Variants in DSCAM observed in about 807,000 individuals in gnomAD.
The protein encoded by DSCAM is DS cell adhesion molecule, also known as cell adhesion molecule DSCAM.
DSCAM carries 47 observed loss-of-function variants against 217.7 expected under a neutral mutation model. That is an observed-to-expected ratio of 0.22 (90% CI 0.17 to 0.28). DSCAM has a LOEUF of 0.28. Among genes scored for constraint, DSCAM ranks in the 10% least tolerant of loss-of-function variants. DSCAM has a pLI of 1.00. For missense variants in DSCAM, 2,080 were observed against 2,618.3 expected (o/e 0.79, Z 4.49); for synonymous variants, 1,056 against 1,015.3 (o/e 1.04, Z -0.76).
rs2076120542 is a variant in DSCAM at position 40,496,621 on chromosome 21, A to G, written c.509-127376T>C. 1.3e-5 allele frequency among the ~76,000 whole-genome samples: 2 copies of G among 152,278 alleles called. 1 individual carries two copies. The highest frequency in any genetic ancestry group is 4.8e-5 in the African/African-American group (2 of 41,568). ...AATGAATTTAGTATGTGACCCTAAA[A>G]GCACAGGCAACAAACGTAGACAACT... On this transcript the variant is annotated intron_variant, in intron 3 of 32. Transcript: ENST00000400454.
chr21:40,590,266 G>A (rs562207740), intron 3 of DSCAM, among the ~76,000 whole-genome samples: 2 of 152,328 alleles, frequency 1.3e-5, no homozygotes, highest in East Asian at 3.9e-4. Flanking sequence ...ATGGCACTTT[G>A]ATAAATGCAA....
intron 3 of DSCAM, among the ~76,000 whole-genome samples, chr21:40,671,846 CCA>C (rs1381914502): frequency 2.0e-5 from 3 of 152,122 alleles, no homozygotes; most frequent in African/African-American, 7.2e-5. Context: ...CTCCAAGAAA[CCA>C]CAGTCAGACA....
At chr21:40,202,755 C>G (rs1282244871) in intron 11 of DSCAM, among the ~76,000 whole-genome samples, 2 of 152,346 alleles carry the variant, frequency 1.3e-5, no homozygotes, top group South Asian at 4.1e-4. Flanking sequence ...ACCATGTGAT[C>G]TTCATCTGTG....
At chr21:40,473,011 C>T (rs547715780) in intron 3 of DSCAM, among the ~76,000 whole-genome samples, 4 of 152,188 alleles carry the variant, frequency 2.6e-5, no homozygotes, top group South Asian at 2.1e-4. Flanking sequence ...CCTGGCAAAG[C>T]GGACGGTCCA....
chr21:40,699,103 C>A (rs551042269), intron 2 of DSCAM, among the ~76,000 whole-genome samples: 39 of 151,924 alleles, frequency 2.6e-4, no homozygotes, highest in Non-Finnish European at 4.6e-4. Flanking sequence ...CTCTGTGTCA[C>A]ATTTTGGTAA....
At chr21:40,791,652 CA>C (rs2091645042) in intron 1 of DSCAM, among the ~76,000 whole-genome samples, 1 of 151,760 alleles carries the variant, frequency 6.6e-6, no homozygotes, top group Non-Finnish European at 1.5e-5. Context: ...GACACCGTCT[CA>C]AAAAAACAAA....
At chr21:40,484,919 G>A (rs777418492) in intron 3 of DSCAM, among the ~76,000 whole-genome samples, 2 of 152,180 alleles carry the variant, frequency 1.3e-5, no homozygotes, top group Non-Finnish European at 2.9e-5. Context: ...AACAGTCCCA[G>A]CCTGTAGCTT....
At chr21:40,689,240 G>T (rs1277258770) in intron 3 of DSCAM, among the ~76,000 whole-genome samples, 2 of 152,148 alleles carry the variant, frequency 1.3e-5, no homozygotes, top group Non-Finnish European at 2.9e-5. Context: ...ATTTGTAGAA[G>T]ACAAATACCC....
At chr21:40,284,858 G>A (rs80173356) in intron 10 of DSCAM, among the ~76,000 whole-genome samples, 2,023 of 152,210 alleles carry the variant, frequency 0.013, 54 homozygotes, top group African/African-American at 0.047. Context: ...ACATAATTGT[G>A]TCCACTGTGC....
intron 3 of DSCAM, among the ~76,000 whole-genome samples, chr21:40,440,887 A>G (rs1016439771): frequency 1.4e-4 from 21 of 152,238 alleles, no homozygotes; most frequent in Non-Finnish European, 2.2e-4. Flanking sequence ...AGCTAGTCCT[A>G]TTATTAATAC....
At chr21:40,814,498 CTAATAGCTATTT>C in intron 1 of DSCAM, among the ~76,000 whole-genome samples, 1 of 152,292 alleles carries the variant, frequency 6.6e-6, no homozygotes, top group South Asian at 2.1e-4. Flanking sequence ...TAAGTTACAT[CTAATAGCTATTT>C]TAAATGCTCA....
At chr21:40,070,547 T>C (rs2089280146) in intron 27 of DSCAM, among the ~76,000 whole-genome samples, 1 of 152,204 alleles carries the variant, frequency 6.6e-6, no homozygotes, top group African/African-American at 2.4e-5. Context: ...AGGGTGCATG[T>C]GTGCTACTCA....
chr21:40,728,576 G>A (rs1452449478), intron 1 of DSCAM, among the ~76,000 whole-genome samples: 11 of 151,920 alleles, frequency 7.2e-5, no homozygotes, highest in Non-Finnish European at 1.0e-4. Context: ...CTACAACCAC[G>A]CCCGGCTAAT....
intron 3 of DSCAM, among the ~76,000 whole-genome samples, chr21:40,563,274 C>T (rs1196798504): frequency 6.6e-6 from 1 of 151,946 alleles, no homozygotes; most frequent in Non-Finnish European, 1.5e-5. Flanking sequence ...GATAGTTTGT[C>T]TCCCAGCTTG....
rs544112308 is a variant in DSCAM, at chr21:40,577,585, T to C, written c.508+115225A>G. Among the ~76,000 whole-genome samples, 6 of 150,198 alleles carry C rather than the reference T, an allele frequency of 4.0e-5. No individual in the cohort carries two copies. In the East Asian group the frequency reaches 8.1e-4, roughly 20 times the overall value. On this transcript the variant is annotated intron_variant, in intron 3 of 32. Transcript: ENST00000400454. ...GCAAGTCAGAGAAAACGCCACACTT[T>C]GGGATGAATTAAGAGTCCTTTATTA...
chr21:40,594,595 T>A (rs1010603548), intron 3 of DSCAM, among the ~76,000 whole-genome samples: 1 of 151,926 alleles, frequency 6.6e-6, no homozygotes, highest in South Asian at 2.1e-4. Flanking sequence ...TAATAAAGAG[T>A]AGCCATAGAG....
At chr21:40,795,994 T>C (rs551866772) in intron 1 of DSCAM, among the ~76,000 whole-genome samples, 15 of 152,330 alleles carry the variant, frequency 9.8e-5, no homozygotes, top group African/African-American at 3.6e-4. Context: ...AGGCATTTAT[T>C]GAGCTTCTCC....
chr21:40,098,172 A>G (rs1350509253), intron 20 of DSCAM, among the ~76,000 whole-genome samples: 1 of 152,158 alleles, frequency 6.6e-6, no homozygotes, highest in Non-Finnish European at 1.5e-5. Context: ...AAAGACAGAA[A>G]TTTCATAACG....
intron 3 of DSCAM, among the ~76,000 whole-genome samples, chr21:40,520,074 AC>A (rs2076346933): frequency 6.6e-6 from 1 of 152,136 alleles, no homozygotes; most frequent in Non-Finnish European, 1.5e-5. Flanking sequence ...AAGGCATTTA[AC>A]AACTCTAAAT....
Sources: allele counts gnomAD v4.1 joint callset (sites outside exome capture counted in the v4.1 genomes callset), GRCh38; gene constraint gnomAD v4.1.1; transcripts MANE v1.5; gene names NCBI Gene and HGNC (gene_info 2026-07-23, HGNC 2026-07-21).